HS3ST5: variants seen among roughly 807,000 people sequenced by gnomAD.
HS3ST5 encodes the protein heparan sulfate glucosamine 3-O-sulfotransferase 5.
A neutral mutation model predicts 25.4 loss-of-function variants in HS3ST5; 10 were observed. The ratio of observed to expected loss-of-function variants is 0.39; its 90% CI spans 0.24 to 0.67. The LOEUF (loss-of-function observed/expected upper bound fraction) is 0.67. Ranked by LOEUF, HS3ST5 falls within the 30% of genes least tolerant of loss-of-function variation. The pLI is 0.44. For missense variants in HS3ST5, 324 were observed against 420.7 expected (o/e 0.77, Z 2.01); for synonymous variants, 170 against 162.4 (o/e 1.05, Z -0.36).
At chr6:114,182,859 G>A (rs1223809671) in intron 2 of HS3ST5, among the ~76,000 whole-genome samples, 1 of 152,158 alleles carries the variant, frequency 6.6e-6, no homozygotes, top group Non-Finnish European at 1.5e-5. Context: ...ATTTGAATTG[G>A]TGAACTCAGT....
At chr6:114,208,069 A>C (rs569988687) in intron 2 of HS3ST5, among the ~76,000 whole-genome samples, 2 of 152,336 alleles carry the variant, frequency 1.3e-5, no homozygotes, top group South Asian at 4.1e-4. Flanking sequence ...CAAATAATTC[A>C]TAATAACCTA....
intron 1 of HS3ST5, among the ~76,000 whole-genome samples, chr6:114,278,036 G>A (rs116223991): frequency 3.3e-5 from 5 of 151,930 alleles, no homozygotes; most frequent in Non-Finnish European, 4.4e-5. Flanking sequence ...GGGCTTTGAG[G>A]GGGCAGGTTA....
At chr6:114,320,342 A>C (rs1052336378) in intron 1 of HS3ST5, among the ~76,000 whole-genome samples, 1 of 152,078 alleles carries the variant, frequency 6.6e-6, no homozygotes, top group African/African-American at 2.4e-5. Flanking sequence ...ATGTCTCTCT[A>C]ATGCATGACA....
At chr6:114,218,154 T>C (rs947453287) in intron 2 of HS3ST5, among the ~76,000 whole-genome samples, 1 of 152,078 alleles carries the variant, frequency 6.6e-6, no homozygotes, top group South Asian at 2.1e-4. Context: ...CCTGCTACCA[T>C]GCCCAGTTAA....
intron 1 of HS3ST5, among the ~76,000 whole-genome samples, chr6:114,234,814 T>G (rs1322284324): frequency 6.6e-6 from 1 of 152,178 alleles, no homozygotes; most frequent in African/African-American, 2.4e-5. Context: ...TTGATATATG[T>G]TCTAAAATTA....
chr6:114,263,163 T>G (rs1020216374), intron 1 of HS3ST5, among the ~76,000 whole-genome samples: 1 of 152,108 alleles, frequency 6.6e-6, no homozygotes, highest in Non-Finnish European at 1.5e-5. Context: ...AAAATTTTGT[T>G]TTATTTTTAG....
At chr6:114,294,678 C>T (rs1279434022) in intron 1 of HS3ST5, among the ~76,000 whole-genome samples, 2 of 152,074 alleles carry the variant, frequency 1.3e-5, no homozygotes, top group African/African-American at 2.4e-5. Flanking sequence ...CGTGATCTGC[C>T]CACCTCGGCC....
intron 3 of HS3ST5, among the ~76,000 whole-genome samples, chr6:114,163,494 G>A (rs1010580017): frequency 9.9e-5 from 15 of 152,116 alleles, no homozygotes; most frequent in Non-Finnish European, 1.8e-4. Context: ...TTAGTGGAAA[G>A]AATATGGATT....
intron 2 of HS3ST5, among the ~76,000 whole-genome samples, chr6:114,226,707 C>T (rs917025748): frequency 5.9e-5 from 9 of 151,910 alleles, no homozygotes; most frequent in African/African-American, 2.2e-4. Flanking sequence ...GCATGTTTTG[C>T]TTCCTGCGTA....
chr6:114,264,151 G>A lies in HS3ST5; in HGVS notation c.-338-35373C>T, dbSNP rs145008605. ...GCTCTTATTTCTAAAAATAAATGTAGAGCCACATTACTATGTGTATGATAT... is the reference window on the plus strand; with the variant it reads ...GCTCTTATTTCTAAAAATAAATGTAAAGCCACATTACTATGTGTATGATAT... On this transcript the variant is annotated intron_variant, in intron 1 of 4. Transcript: ENST00000312719. 2.0e-4 allele frequency among the ~76,000 whole-genome samples: 30 copies of A among 152,150 alleles called. No individual in the cohort carries two copies. The East Asian group carries it at 5.8e-3, about 29-fold the overall frequency.
intron 1 of HS3ST5, chr6:114,282,002 A>G (rs757781329): frequency 1.4e-4 from 22 of 152,006 alleles, no homozygotes; most frequent in Admixed American, 7.2e-4. Flanking sequence ...TAAAGCAGCG[A>G]GTTGAGGTAG....
intron 2 of HS3ST5, among the ~76,000 whole-genome samples, chr6:114,222,275 G>GT (rs1193464091): frequency 6.6e-6 from 1 of 151,812 alleles, no homozygotes; most frequent in African/African-American, 2.4e-5. Context: ...TGTTATAATT[G>GT]TTTTTTATTG....
chr6:114,160,966 G>T (rs1308458104), intron 3 of HS3ST5, among the ~76,000 whole-genome samples: 1 of 152,138 alleles, frequency 6.6e-6, no homozygotes, highest in Non-Finnish European at 1.5e-5. Context: ...GCTTTTAAAA[G>T]TATTAATTTC....
chr6:114,055,847 T>G lies in HS3ST5; in HGVS notation c.*1410A>C, dbSNP rs1426062651. ...CGTTGTTAATACCCCTTTCCACATTTTACTGAATATATTTAAGCATAATAC... is the reference window on the plus strand; with the variant it reads ...CGTTGTTAATACCCCTTTCCACATTGTACTGAATATATTTAAGCATAATAC... On this transcript the variant is annotated 3_prime_UTR_variant, in exon 5 of 5. Transcript: ENST00000312719. 6.6e-6 allele frequency: 1 copy of G among 152,220 alleles called. No individual in the cohort carries two copies. Among genetic ancestry groups the G allele is most frequent in the African/African-American group, 2.4e-5 (1 of 41,452 alleles). 9.4% of individuals were successfully genotyped at this position (152,220 alleles called of 1,614,324 possible).
At chr6:114,098,862 A>G (rs1271343844) in intron 3 of HS3ST5, among the ~76,000 whole-genome samples, 1 of 152,112 alleles carries the variant, frequency 6.6e-6, no homozygotes, top group African/African-American at 2.4e-5. Context: ...GTACATACAC[A>G]CATATATGTG....
At chr6:114,122,125 G>A (rs1261973619) in intron 3 of HS3ST5, among the ~76,000 whole-genome samples, 4 of 152,158 alleles carry the variant, frequency 2.6e-5, no homozygotes, top group African/African-American at 9.7e-5. Flanking sequence ...GTCCAGCTGG[G>A]ATTGTCTGTC....
rs376404681 is a variant in HS3ST5, at chr6:114,207,726, AT to A, written c.-145+20858del. Among the ~76,000 whole-genome samples the A allele has an allele frequency of 5.5e-3, 833 of 152,310 alleles. 8 individuals carry two copies. Among genetic ancestry groups the A allele is most frequent in the African/African-American group, 0.019 (804 of 41,570 alleles). The stretch of plus-strand genomic sequence containing the variant: ...CAATGAAAAAAAATCTTGGTGATAC[AT>A]AATACCTTACTAACTATATTATACT... On this transcript the variant is annotated intron_variant, in intron 2 of 4. Transcript: ENST00000312719.
intron 1 of HS3ST5, among the ~76,000 whole-genome samples, chr6:114,315,911 A>T (rs567104486): frequency 6.6e-6 from 1 of 152,252 alleles, no homozygotes; most frequent in South Asian, 2.1e-4. Flanking sequence ...AGTTGTTGCT[A>T]ACAGCTTTTA....
intron 1 of HS3ST5, among the ~76,000 whole-genome samples, chr6:114,238,234 T>A (rs1378813416): frequency 6.6e-6 from 1 of 152,166 alleles, no homozygotes; most frequent in African/African-American, 2.4e-5. Flanking sequence ...GAAAAGAGCT[T>A]TCCTAGGAAA....
Sources: allele counts gnomAD v4.1 joint callset (sites outside exome capture counted in the v4.1 genomes callset), GRCh38; gene constraint gnomAD v4.1.1; transcripts MANE v1.5; gene names NCBI Gene and HGNC (gene_info 2026-07-23, HGNC 2026-07-21).